The following KIAA0825 variants were observed in gnomAD, a reference collection of about 807,000 sequenced individuals.
KIAA0825 encodes KIAA0825.
Under a neutral mutation model 147.6 loss-of-function variants are expected in KIAA0825, and 119 were observed. The ratio of observed to expected loss-of-function variants is 0.81; its 90% CI spans 0.69 to 0.94. The LOEUF (loss-of-function observed/expected upper bound fraction) is 0.94. KIAA0825 is among the 40% of genes least tolerant of loss of function. The probability of loss-of-function intolerance (pLI) is 0.00; values close to 1 mark genes in which losing one functional copy is unlikely to be tolerated. For missense variants in KIAA0825, 1,381 were observed against 1,472.7 expected, an observed-to-expected ratio of 0.94 and a Z score of 1.02; for synonymous variants, 470 against 518.1, an observed-to-expected ratio of 0.91 and a Z score of 1.26.
At chr5:94,187,019 T>C (rs1477092798) in intron 20 of KIAA0825, among the ~76,000 whole-genome samples, 3 of 152,176 alleles carry the variant, frequency 2.0e-5, no homozygotes, top group African/African-American at 7.2e-5. Flanking sequence ...AGAAAATTAC[T>C]GCAAGTTCTT....
intron 5 of KIAA0825, among the ~76,000 whole-genome samples, chr5:94,506,153 A>G (rs1765713114): frequency 1.3e-5 from 2 of 152,180 alleles, no homozygotes; most frequent in South Asian, 2.1e-4. Context: ...ACCTTTCACA[A>G]TCAATTTTTT....
intron 2 of KIAA0825, among the ~76,000 whole-genome samples, chr5:94,557,270 C>G (rs1178721687): frequency 6.6e-6 from 1 of 152,062 alleles, no homozygotes; most frequent in Non-Finnish European, 1.5e-5. Flanking sequence ...TGCTACCATG[C>G]CTGGCTAATT....
intron 2 of KIAA0825, among the ~76,000 whole-genome samples, chr5:94,564,971 T>TTCTTCTCTTC (rs557684622): frequency 1.4e-5 from 2 of 144,978 alleles, no homozygotes; most frequent in East Asian, 3.9e-4. Flanking sequence ...TCTTTTCTTT[T>TTCTTCTCTTC]TCTTCTCTTC....
intron 2 of KIAA0825, among the ~76,000 whole-genome samples, chr5:94,547,565 G>A (rs1242788373): frequency 3.3e-5 from 5 of 152,020 alleles, no homozygotes; most frequent in East Asian, 1.9e-4. Flanking sequence ...GTGAAACCCC[G>A]TCTCTACTAA....
At chr5:94,611,442 G>A (rs1455713210) in intron 1 of KIAA0825, among the ~76,000 whole-genome samples, 2 of 151,844 alleles carry the variant, frequency 1.3e-5, no homozygotes, top group African/African-American at 2.4e-5. Context: ...CCAAATTGAT[G>A]GCTTATAACC....
intron 3 of KIAA0825, among the ~76,000 whole-genome samples, chr5:94,527,834 T>C (rs1769653636): frequency 6.6e-6 from 1 of 152,022 alleles, no homozygotes; most frequent in Admixed American, 6.6e-5. Context: ...CTAAAATTCC[T>C]TGGAATTATC....
intron 20 of KIAA0825, among the ~76,000 whole-genome samples, chr5:94,218,614 CTG>C (rs1773405525): frequency 6.6e-6 from 1 of 152,178 alleles, no homozygotes; most frequent in South Asian, 2.1e-4. Flanking sequence ...CATTCCAGAA[CTG>C]TGAGGAAAAG....
intron 14 of KIAA0825, among the ~76,000 whole-genome samples, chr5:94,426,245 A>G (rs999521232): frequency 4.6e-5 from 7 of 152,224 alleles, no homozygotes; most frequent in Admixed American, 3.3e-4. Context: ...TATCAATGGG[A>G]TAGCTGCATT....
intron 5 of KIAA0825, among the ~76,000 whole-genome samples, chr5:94,497,871 ACTCTGAGCAATTG>A (rs1296040479): frequency 6.6e-6 from 1 of 152,120 alleles, no homozygotes; most frequent in Admixed American, 6.5e-5. Flanking sequence ...TAGAAACCAC[ACTCTGAGCAATTG>A]CTCTGTTGCT....
intron 1 of KIAA0825, among the ~76,000 whole-genome samples, chr5:94,617,214 T>C (rs1430675209): frequency 6.6e-6 from 1 of 152,138 alleles, no homozygotes; most frequent in Non-Finnish European, 1.5e-5. Flanking sequence ...TAAAAACTAG[T>C]TGCTGTACAG....
chr5:94,290,902 CAT>C (rs767327694), intron 20 of KIAA0825, among the ~76,000 whole-genome samples: 153 of 152,224 alleles, frequency 1.0e-3, no homozygotes, highest in Non-Finnish European at 1.9e-3. Flanking sequence ...AGCTTTTTTT[CAT>C]ATGTTTCTTG....
intron 2 of KIAA0825, chr5:94,570,718 C>T (rs1779811612): frequency 6.6e-6 from 1 of 152,208 alleles, no homozygotes; most frequent in Non-Finnish European, 1.5e-5. Context: ...GTCTTGTAAA[C>T]TGGAAATGAA....
intron 20 of KIAA0825, among the ~76,000 whole-genome samples, chr5:94,342,244 T>C (rs1782482774): frequency 1.3e-5 from 2 of 151,588 alleles, no homozygotes; most frequent in South Asian, 4.2e-4. Context: ...ATTGTCTCAC[T>C]AAAAAAAATT....
intron 20 of KIAA0825, among the ~76,000 whole-genome samples, chr5:94,233,819 T>C (rs562021103): frequency 6.6e-6 from 1 of 152,334 alleles, no homozygotes; most frequent in East Asian, 1.9e-4. Flanking sequence ...ATTTGTAACT[T>C]ATGGCTCAGT....
At chr5:94,553,001 TAGAAG>T (rs1256270115) in intron 2 of KIAA0825, among the ~76,000 whole-genome samples, 1 of 152,200 alleles carries the variant, frequency 6.6e-6, no homozygotes, top group Non-Finnish European at 1.5e-5. Context: ...TTCAAATAGC[TAGAAG>T]AGAAGTTAGG....
intron 6 of KIAA0825, among the ~76,000 whole-genome samples, chr5:94,484,433 G>C (rs1762817407): frequency 6.6e-6 from 1 of 151,634 alleles, no homozygotes. Flanking sequence ...TGGGTGCTAG[G>C]AGCAAAAGAA....
At chr5:94,365,150 A>G (rs1324217643) in intron 20 of KIAA0825, among the ~76,000 whole-genome samples, 3 of 151,832 alleles carry the variant, frequency 2.0e-5, no homozygotes, top group African/African-American at 7.3e-5. Context: ...AATCCGGTGC[A>G]CTCCATGCAT....
intron 20 of KIAA0825, among the ~76,000 whole-genome samples, chr5:94,188,783 G>T (rs1770393547): frequency 6.6e-6 from 1 of 152,050 alleles, no homozygotes; most frequent in Non-Finnish European, 1.5e-5. Flanking sequence ...GAATAAAATA[G>T]CTGGGAGGGG....
intron 20 of KIAA0825, among the ~76,000 whole-genome samples, chr5:94,281,804 G>A (rs891967308): frequency 2.6e-5 from 4 of 152,020 alleles, no homozygotes; most frequent in Non-Finnish European, 4.4e-5. Context: ...CCCTTTCCCC[G>A]TTCCCTACTG....
Sources: gnomAD v4.1 joint callset for allele counts (sites outside exome capture counted in the v4.1 genomes callset) on GRCh38, gnomAD v4.1.1 for gene constraint, MANE v1.5 for transcripts, NCBI Gene and HGNC (gene_info 2026-07-23, HGNC 2026-07-21) for gene names.